Variants in BMPR1B observed in about 807,000 individuals in gnomAD.
BMPR1B encodes bone morphogenetic protein receptor type-1B.
Under a neutral mutation model 59.1 loss-of-function variants are expected in BMPR1B, and 12 were observed. The ratio of observed to expected loss-of-function variants is 0.20; its 90% confidence interval spans 0.13 to 0.33. The LOEUF is 0.33. Ranked by LOEUF, BMPR1B falls within the 10% of genes least tolerant of loss-of-function variation. The pLI is 1.00. For missense variants in BMPR1B, 550 were observed against 610.9 expected, an observed-to-expected ratio of 0.90 and a Z score of 1.05; for synonymous variants, 237 against 207.3, an observed-to-expected ratio of 1.14 and a Z score of -1.23.
chr4:95,096,071 G>A (rs570136887), intron 3 of BMPR1B, among the ~76,000 whole-genome samples: 8 of 149,778 alleles, frequency 5.3e-5, no homozygotes, highest in African/African-American at 1.7e-4. Context: ...CAAAAATCAC[G>A]TATATGAGTA....
intron 1 of BMPR1B, among the ~76,000 whole-genome samples, chr4:94,820,738 A>C (rs918196952): frequency 3.9e-5 from 6 of 152,220 alleles, no homozygotes; most frequent in African/African-American, 1.4e-4. Context: ...ACAGGTGTTC[A>C]CAAAATCATG....
chr4:95,028,235 G>A (rs1724562921), intron 3 of BMPR1B, among the ~76,000 whole-genome samples: 2 of 152,138 alleles, frequency 1.3e-5, no homozygotes, highest in African/African-American at 4.8e-5. Context: ...GCTCAGTAAA[G>A]CAAAACTCCC....
At chr4:94,784,839 A>G (rs566391603) in intron 1 of BMPR1B, among the ~76,000 whole-genome samples, 22 of 152,220 alleles carry the variant, frequency 1.4e-4, no homozygotes, top group African/African-American at 4.8e-4. Context: ...TTGTAACCTC[A>G]TCTTTGATAC....
At chr4:94,800,058 G>T (rs1024840876) in intron 1 of BMPR1B, among the ~76,000 whole-genome samples, 1 of 152,132 alleles carries the variant, frequency 6.6e-6, no homozygotes, top group African/African-American at 2.4e-5. Context: ...TGGGACAAGC[G>T]TTCTCTATTT....
rs551512991 is a variant in BMPR1B at position 94,836,074 on chromosome 4, A to G, written c.-182-39757A>G. On this transcript the variant is annotated intron_variant, in intron 1 of 12. Transcript: ENST00000515059. ...GATTTCCAATTTCATCCATGTCCCT[A>G]CAAAGGACATGAACTCATCATTTTT... Among the ~76,000 whole-genome samples the G allele has an allele frequency of 6.5e-3, 968 of 148,190 alleles. 12 individuals carry two copies. The highest frequency in any genetic ancestry group is 0.023 in the African/African-American group (902 of 39,960).
chr4:95,058,637 A>C (rs2149200510), intron 3 of BMPR1B, among the ~76,000 whole-genome samples: 1 of 152,302 alleles, frequency 6.6e-6, no homozygotes, highest in East Asian at 1.9e-4. Context: ...ACGGAGCTTC[A>C]GAAAATCCAA....
At chr4:94,882,839 AT>A (rs1201450524) in intron 2 of BMPR1B, among the ~76,000 whole-genome samples, 3 of 152,332 alleles carry the variant, frequency 2.0e-5, no homozygotes, top group East Asian at 1.9e-4. Context: ...GGTTTACAAC[AT>A]TATCATTGCT....
At chr4:94,972,185 ACTCTT>A (rs997574556) in intron 2 of BMPR1B, among the ~76,000 whole-genome samples, 115 of 151,734 alleles carry the variant, frequency 7.6e-4, no homozygotes, top group African/African-American at 2.6e-3. Context: ...GATAACATGA[ACTCTT>A]CTCTTCTTTA....
At chr4:94,786,627 C>T (rs1278562405) in intron 1 of BMPR1B, among the ~76,000 whole-genome samples, 1 of 152,194 alleles carries the variant, frequency 6.6e-6, no homozygotes, top group Non-Finnish European at 1.5e-5. Flanking sequence ...CAAGCTCCGC[C>T]TCCCGGATTC....
At chr4:94,967,439 C>G (rs1730594717) in intron 2 of BMPR1B, among the ~76,000 whole-genome samples, 1 of 151,896 alleles carries the variant, frequency 6.6e-6, no homozygotes, top group Non-Finnish European at 1.5e-5. Context: ...ATAGATTTCC[C>G]TTTCCTCTCC....
At chr4:94,863,057 A>G (rs921310403) in intron 1 of BMPR1B, among the ~76,000 whole-genome samples, 2 of 152,016 alleles carry the variant, frequency 1.3e-5, no homozygotes, top group Non-Finnish European at 2.9e-5. Context: ...CAGAGGTTGC[A>G]GTGAGCCGAG....
chr4:95,076,389 GTCTT>G (rs1471270950), intron 3 of BMPR1B, among the ~76,000 whole-genome samples: 5 of 152,020 alleles, frequency 3.3e-5, no homozygotes, highest in African/African-American at 7.2e-5. Context: ...AAATTTAAAT[GTCTT>G]TCTTCAAAAA....
intron 3 of BMPR1B, chr4:95,051,586 A>G: frequency 1.0e-6 from 1 of 955,212 alleles, no homozygotes; most frequent in Non-Finnish European, 1.6e-6. Context: ...GGTTGCTGGC[A>G]GGCTTGCGAG....
chr4:94,925,515 T>G (rs1420693832), intron 2 of BMPR1B, among the ~76,000 whole-genome samples: 2 of 152,134 alleles, frequency 1.3e-5, no homozygotes, highest in Non-Finnish European at 2.9e-5. Context: ...ATATCCTAAG[T>G]GTTATCAGAA....
At chr4:94,848,222 C>CTT (rs35660895) in intron 1 of BMPR1B, among the ~76,000 whole-genome samples, 93,030 of 151,802 alleles carry the variant, frequency 0.61, 29,505 homozygotes, top group African/African-American at 0.78. Flanking sequence ...CAGTTAAGCT[C>CTT]TCAATCTATG....
chr4:95,006,696 C>A (rs747016842), intron 3 of BMPR1B, among the ~76,000 whole-genome samples: 1 of 151,822 alleles, frequency 6.6e-6, no homozygotes, highest in African/African-American at 2.4e-5. Flanking sequence ...CGCACCACCA[C>A]ACCTGGCTAA....
intron 2 of BMPR1B, among the ~76,000 whole-genome samples, chr4:94,967,585 C>T (rs760714887): frequency 7.9e-5 from 12 of 152,122 alleles, no homozygotes; most frequent in Admixed American, 2.0e-4. Flanking sequence ...TGGGTTCAAG[C>T]GATTCTCCTG....
chr4:94,879,982 G>A lies in BMPR1B; in HGVS notation c.-113+4082G>A, dbSNP rs1233933792. Among the ~76,000 whole-genome samples, 5 of 152,012 alleles carry A rather than the reference G, an allele frequency of 3.3e-5. No individual in the cohort carries two copies. In the South Asian group the frequency reaches 8.3e-4, roughly 25 times the overall value. ...GATTTGTTATTTGTGGTATTCATCC[G>A]GTATCTAAGAGAAGTGATTATCGTA... On this transcript the variant is annotated intron_variant, in intron 2 of 12. Coordinates refer to ENST00000515059, the MANE Select transcript of BMPR1B (RefSeq NM_001203.3).
chr4:95,142,004 A>G (rs1237561243), intron 10 of BMPR1B, among the ~76,000 whole-genome samples: 1 of 152,234 alleles, frequency 6.6e-6, no homozygotes. Context: ...CACCAAAGTC[A>G]TAAAACTAAG....
Sources: gnomAD v4.1 joint callset for allele counts (sites outside exome capture counted in the v4.1 genomes callset) on GRCh38, gnomAD v4.1.1 for gene constraint, MANE v1.5 for transcripts, NCBI Gene and HGNC (gene_info 2026-07-23, HGNC 2026-07-21) for gene names.